Variants in GALNT2 observed in about 807,000 individuals in gnomAD.
GALNT2 encodes polypeptide N-acetylgalactosaminyltransferase 2, also known as UDP-GalNAc:polypeptide N-acetylgalactosaminyltransferase 2.
In GALNT2, 31 loss-of-function variants were observed where a neutral mutation model predicts 81.4. That is an observed-to-expected ratio of 0.38 (90% CI 0.29 to 0.51). GALNT2 has a LOEUF of 0.51. Among genes scored for constraint, GALNT2 ranks in the 20% least tolerant of loss-of-function variants. GALNT2 has a pLI of 0.87. For missense variants in GALNT2, 629 were observed against 765.7 expected (o/e 0.82, Z 2.11); for synonymous variants, 303 against 287.4 (o/e 1.05, Z -0.55).
At chr1:230,146,653 T>C (rs913000042) in intron 1 of GALNT2, among the ~76,000 whole-genome samples, 1 of 152,024 alleles carries the variant, frequency 6.6e-6, no homozygotes, top group Non-Finnish European at 1.5e-5. Flanking sequence ...AGGAAACAAA[T>C]TAGTATAGTA....
chr1:230,095,005 C>T (rs886095060), intron 1 of GALNT2, among the ~76,000 whole-genome samples: 9 of 152,284 alleles, frequency 5.9e-5, no homozygotes, highest in East Asian at 1.9e-4. Flanking sequence ...TCGTAGTTCA[C>T]GGTCACAGGA....
chr1:230,169,040 C>T (rs1662705113), intron 1 of GALNT2, among the ~76,000 whole-genome samples: 1 of 152,060 alleles, frequency 6.6e-6, no homozygotes, highest in Admixed American at 6.5e-5. Flanking sequence ...GAATATTCCT[C>T]GTCTGGGGTT....
chr1:230,173,591 A>C (rs1404615162), intron 1 of GALNT2, among the ~76,000 whole-genome samples: 1 of 152,204 alleles, frequency 6.6e-6, no homozygotes, highest in Non-Finnish European at 1.5e-5. Flanking sequence ...AAACCACATC[A>C]TGACTTGTCT....
intron 13 of GALNT2, 173 bp downstream of exon 13, chr1:230,263,178 A>C: frequency 3.3e-6 from 2 of 610,656 alleles, no homozygotes; most frequent in Non-Finnish European, 5.8e-6. Flanking sequence ...TCTGCTCCCA[A>C]GTTGGCCTGC....
rs541488133 is a variant in GALNT2, at chr1:230,112,483, CAG to C, written c.126+45081_126+45082del. 1.9e-3 allele frequency among the ~76,000 whole-genome samples: 284 copies of C among 152,114 alleles called. 1 individual carries two copies. The Middle Eastern group carries it at 0.024, about 13-fold the overall frequency. On this transcript the variant is annotated intron_variant, in intron 1 of 15. Transcript: ENST00000366672. ...AGAAAGCATTTATGCCTGTTTCTGA[CAG>C]AGATGCACACAGCTGGTCTGAATGG...
chr1:230,270,394 A>G (rs1017261636), intron 14 of GALNT2, among the ~76,000 whole-genome samples: 2 of 152,190 alleles, frequency 1.3e-5, no homozygotes, highest in Non-Finnish European at 2.9e-5. Context: ...GTACTTTCCA[A>G]TAGAACCATG....
At chr1:230,230,092 C>A (rs187499788) in intron 3 of GALNT2, among the ~76,000 whole-genome samples, 11 of 152,266 alleles carry the variant, frequency 7.2e-5, no homozygotes, top group Admixed American at 7.2e-4. Flanking sequence ...AAACTTTATG[C>A]GTGAAATATT....
At chr1:230,136,744 A>AG (rs1323674450) in intron 1 of GALNT2, among the ~76,000 whole-genome samples, 5 of 152,212 alleles carry the variant, frequency 3.3e-5, no homozygotes, top group Admixed American at 6.5e-5. Context: ...GTAGCTTCAC[A>AG]GGGACTTGGA....
intron 1 of GALNT2, among the ~76,000 whole-genome samples, chr1:230,108,502 G>A (rs1009479585): frequency 6.6e-6 from 1 of 152,168 alleles, no homozygotes; most frequent in Admixed American, 6.5e-5. Context: ...ATTGTAAGTC[G>A]AGGAGCATCC....
intron 6 of GALNT2, among the ~76,000 whole-genome samples, chr1:230,239,709 C>T (rs1665142317): frequency 6.6e-6 from 1 of 152,170 alleles, no homozygotes; most frequent in African/African-American, 2.4e-5. Flanking sequence ...TGTTTCTTCT[C>T]TATTTGTACC....
chr1:230,092,452 T>G (rs949976253), intron 1 of GALNT2, among the ~76,000 whole-genome samples: 106 of 152,132 alleles, frequency 7.0e-4, no homozygotes, highest in African/African-American at 2.3e-3. Context: ...CAAATGATTC[T>G]TCTGCCTCAG....
intron 2 of GALNT2, among the ~76,000 whole-genome samples, chr1:230,184,738 G>A (rs184331478): frequency 2.2e-4 from 33 of 152,058 alleles, no homozygotes; most frequent in African/African-American, 7.7e-4. Context: ...ACTATTCTGT[G>A]TGTTCTCTAA....
rs1395788291 is a variant in GALNT2, at chr1:230,246,789, C to T, written c.817+639C>T. ...CCTGTATGTCCTCACCGCACCCACC[C>T]TGGAGCCCCAAGAGCACTTTGTCTG... On this transcript the variant is annotated intron_variant, in intron 8 of 15. Transcript: ENST00000366672. Among the ~76,000 whole-genome samples the T allele has an allele frequency of 8.5e-5, 13 of 152,278 alleles. No individual in the cohort carries two copies. The East Asian group carries it at 2.3e-3, about 27-fold the overall frequency.
chr1:230,164,554 T>A (rs1375832024), intron 1 of GALNT2, among the ~76,000 whole-genome samples: 2 of 151,486 alleles, frequency 1.3e-5, no homozygotes, highest in Admixed American at 1.3e-4. Flanking sequence ...TTTTTTTTTT[T>A]AGACGGAGTC....
At chr1:230,089,333 G>A (rs1455206219) in intron 1 of GALNT2, among the ~76,000 whole-genome samples, 1 of 151,818 alleles carries the variant, frequency 6.6e-6, no homozygotes, top group Non-Finnish European at 1.5e-5. Context: ...GTGTGTGTGT[G>A]TGTTTTTAGT....
At chr1:230,115,414 T>G (rs77540611) in intron 1 of GALNT2, among the ~76,000 whole-genome samples, 5,022 of 152,268 alleles carry the variant, frequency 0.033, 290 homozygotes, top group African/African-American at 0.11. Flanking sequence ...CACACACAGT[T>G]TTTGGTTTCC....
chr1:230,109,533 A>C (rs973585823), intron 1 of GALNT2, among the ~76,000 whole-genome samples: 1 of 152,182 alleles, frequency 6.6e-6, no homozygotes. Context: ...TAGACTTAAG[A>C]AGGAACACTG....
chr1:230,228,967 A>G (rs1331745694), intron 3 of GALNT2, among the ~76,000 whole-genome samples: 7 of 152,188 alleles, frequency 4.6e-5, no homozygotes, highest in Non-Finnish European at 1.0e-4. Flanking sequence ...TAATCCTTCA[A>G]TATTTATGAA....
upstream of GALNT2, among the ~76,000 whole-genome samples, chr1:230,062,344 A>G (rs925158692): frequency 3.3e-5 from 5 of 152,112 alleles, no homozygotes; most frequent in African/African-American, 1.2e-4. Context: ...CCAACTTGTC[A>G]TTTGTAGTTT....
Sources: gnomAD v4.1 joint callset for allele counts (sites outside exome capture counted in the v4.1 genomes callset) on GRCh38, gnomAD v4.1.1 for gene constraint, MANE v1.5 for transcripts, NCBI Gene and HGNC (gene_info 2026-07-23, HGNC 2026-07-21) for gene names.